TARBP1: variants seen among roughly 807,000 people sequenced by gnomAD.
TARBP1 encodes tRNA guanosine 2 -O-methyltransferase TARBP1.
In TARBP1, 144 loss-of-function variants were observed where a neutral mutation model predicts 178.6. The ratio of observed to expected loss-of-function variants is 0.81; its 90% CI spans 0.70 to 0.93. The LOEUF (loss-of-function observed/expected upper bound fraction) is 0.93, where lower values mean the gene tolerates loss of function less well. TARBP1 is among the 40% of genes least tolerant of loss of function. The probability of loss-of-function intolerance (pLI) is 0.00; values close to 1 mark genes in which losing one functional copy is unlikely to be tolerated. For missense variants in TARBP1, 2,067 were observed against 2,011.7 expected (o/e 1.03, Z -0.53); for synonymous variants, 787 against 781.0 (o/e 1.01, Z -0.13).
At chr1:234,394,361 G>T (rs1659702699) in intron 26 of TARBP1, among the ~76,000 whole-genome samples, 1 of 152,184 alleles carries the variant, frequency 6.6e-6, no homozygotes, top group African/African-American at 2.4e-5. Flanking sequence ...AAGTGATGAG[G>T]ACACAGAACG....
chr1:234,476,591 C>G (rs1371209282), intron 1 of TARBP1, among the ~76,000 whole-genome samples: 4 of 152,064 alleles, frequency 2.6e-5, no homozygotes, highest in Non-Finnish European at 5.9e-5. Flanking sequence ...TAGAAAGAAC[C>G]GAACACATTT....
intron 26 of TARBP1, among the ~76,000 whole-genome samples, chr1:234,394,843 A>G (rs1362406556): frequency 6.6e-6 from 1 of 152,216 alleles, no homozygotes; most frequent in Non-Finnish European, 1.5e-5. Context: ...CTGTAATCCC[A>G]GAACTTTGGG....
In TARBP1 at chr1:234,398,314, G is replaced by C; in HGVS notation, c.4243+68C>G. On this transcript the variant is annotated intron_variant, in intron 26 of 29. Transcript: ENST00000040877. ...TATTATTATTAACTACCTGTCCTTA[G>C]TAACTTAAATCAAAAAAATCTAACC... 3 of 1,372,188 alleles carry C rather than the reference G, an allele frequency of 2.2e-6. 1 individual carries two copies. The South Asian group carries it at 4.7e-5, about 22-fold the overall frequency. 85.0% of individuals were successfully genotyped at this position (1,372,188 alleles called of 1,614,324 possible).
At chr1:234,456,040 A>G (rs1558235077) in intron 9 of TARBP1, among the ~76,000 whole-genome samples, 1 of 152,234 alleles carries the variant, frequency 6.6e-6, no homozygotes, top group African/African-American at 2.4e-5. Context: ...TACATTTGGT[A>G]TTGTATCACT....
rs570460096 is a variant in TARBP1, at chr1:234,474,412, C to T, written c.932-1601G>A. Reference sequence around the variant, plus strand: ...AAAAAGAACAGAAAACAGAAAGGGACGAAATAATCCACAGAATATTCTAGA... The same window carrying T: ...AAAAAGAACAGAAAACAGAAAGGGATGAAATAATCCACAGAATATTCTAGA... On this transcript the variant is annotated intron_variant, in intron 1 of 29. Transcript: ENST00000040877. Among the ~76,000 whole-genome samples, 31 of 151,992 alleles carry T rather than the reference C, an allele frequency of 2.0e-4. No individual in the cohort carries two copies. In the South Asian group the frequency reaches 4.8e-3, roughly 23 times the overall value.
In TARBP1 at chr1:234,479,082, C is replaced by T. The variant is rs373638974; in HGVS notation, c.22G>A (p.Ala8Thr). The T allele has an allele frequency of 2.6e-6, 4 of 1,539,288 alleles. No homozygotes were observed. In the African/African-American group the frequency reaches 5.7e-5, roughly 22 times the overall value. MEWVLAEALLSQSRDPRA... is the reference protein window; with the variant it reads MEWVLAETLLSQSRDPRA... ...GGGTCCCGGCTCTGCGAGAGCAGCG[C>T]TTCCGCGAGCACCCACTCCATTTGC... Residue 8 changes from alanine to threonine, a missense_variant, in exon 1 of 30, where the codon GCG becomes ACG. By Grantham distance (58) the Ala-to-Thr change is moderately conservative. Coordinates refer to ENST00000040877, the MANE Select transcript of TARBP1 (RefSeq NM_005646.4).
chr1:234,393,217 T>C (rs1420916531), intron 28 of TARBP1, 145 bp downstream of exon 28: 2 of 813,768 alleles, frequency 2.5e-6, no homozygotes, highest in East Asian at 6.1e-5. Context: ...TATTATAAAT[T>C]ATGCAAAAGG....
chr1:234,467,490 G>A lies in TARBP1; in HGVS notation c.1248+12C>T, dbSNP rs755946177. On this transcript the variant is annotated intron_variant, in intron 4 of 29. Transcript: ENST00000040877. ...AACAATGGGAGCAAGGAAGGGGACA[G>A]GGTGTCATTACCTCAGAAAATTCTG... 1.7e-5 allele frequency: 27 copies of A among 1,572,006 alleles called. No individual in the cohort carries two copies. The South Asian group carries it at 3.3e-4, about 19-fold the overall frequency.
chr1:234,466,911 G>C (rs747512185), intron 4 of TARBP1, among the ~76,000 whole-genome samples: 8 of 152,016 alleles, frequency 5.3e-5, no homozygotes, highest in Non-Finnish European at 7.4e-5. Flanking sequence ...AATTGACTTA[G>C]GTCACCTCTA....
chr1:234,459,537 C>T (rs549056480), intron 7 of TARBP1, among the ~76,000 whole-genome samples: 3 of 152,102 alleles, frequency 2.0e-5, no homozygotes, highest in African/African-American at 4.8e-5. Context: ...ATAGGCCGGG[C>T]GCAGTGGCTC....
At chr1:234,433,014 C>T (rs1364497635) in intron 14 of TARBP1, among the ~76,000 whole-genome samples, 5 of 152,084 alleles carry the variant, frequency 3.3e-5, no homozygotes, top group Admixed American at 2.0e-4. Flanking sequence ...CCAAGGCAGG[C>T]GGATCACGAG....
Position 234,429,519 on chromosome 1 carries a change from TGAACGGCA to T in TARBP1, c.2760_2767del (p.Ala921AspfsTer19). On this transcript the variant is annotated frameshift_variant, in exon 16 of 30. Transcript: ENST00000040877. LOFTEE classifies it high-confidence loss of function. ...AGACTGCAAAGTCCTTATTGGCATC[TGAACGGCA>T]GGTAGAAACGGTTCCAGAATTTCAC... 6.2e-7 allele frequency: 1 copy of T among 1,614,212 alleles called. No homozygotes were observed. The highest frequency in any genetic ancestry group is 8.5e-7 in the Non-Finnish European group (1 of 1,180,036).
intron 14 of TARBP1, 51 bp from the exon 15 acceptor site, chr1:234,430,352 A>C (rs756975343): frequency 6.5e-7 from 1 of 1,529,568 alleles, no homozygotes; most frequent in African/African-American, 1.4e-5. Context: ...AGTCTTAATC[A>C]GTAATGACCT....
intron 22 of TARBP1, among the ~76,000 whole-genome samples, chr1:234,414,469 G>C (rs192258492): frequency 4.6e-5 from 7 of 152,274 alleles, no homozygotes; most frequent in Admixed American, 3.3e-4. Context: ...GAAAAGCCTG[G>C]AAAGGACACA....
chr1:234,456,656 TTAATC>T (rs1667316363), intron 9 of TARBP1, among the ~76,000 whole-genome samples: 1 of 152,192 alleles, frequency 6.6e-6, no homozygotes, highest in African/African-American at 2.4e-5. Flanking sequence ...TTAAAACAGT[TTAATC>T]TATATTTAGA....
chr1:234,450,315 T>A, intron 10 of TARBP1, 113 bp downstream of exon 10: 2 of 746,428 alleles, frequency 2.7e-6, no homozygotes, highest in Non-Finnish European at 4.1e-6. Context: ...AAGTTTGGCA[T>A]CAATAAATCA....
At chr1:234,462,641 A>T (rs1313074119) in intron 6 of TARBP1, among the ~76,000 whole-genome samples, 1 of 143,672 alleles carries the variant, frequency 7.0e-6, no homozygotes, top group Non-Finnish European at 1.5e-5. Flanking sequence ...GTGAGCTGAG[A>T]TCGCACCACT....
chr1:234,448,344 A>G, intron 11 of TARBP1, 136 bp downstream of exon 11: 1 of 661,222 alleles, frequency 1.5e-6, no homozygotes, highest in Non-Finnish European at 2.6e-6. Flanking sequence ...TTTCTTCAGT[A>G]TACTGTTAAT....
intron 21 of TARBP1, among the ~76,000 whole-genome samples, chr1:234,420,306 A>G (rs1009311416): frequency 3.9e-5 from 6 of 152,256 alleles, no homozygotes; most frequent in African/African-American, 1.4e-4. Flanking sequence ...CCCAAATGAT[A>G]CAATTTGCCT....
Sources: allele counts gnomAD v4.1 joint callset (sites outside exome capture counted in the v4.1 genomes callset), GRCh38; gene constraint gnomAD v4.1.1; transcripts MANE v1.5; gene names NCBI Gene and HGNC (gene_info 2026-07-23, HGNC 2026-07-21).